The following IGFBP2 variants were observed in gnomAD, a reference collection of about 807,000 sequenced individuals.
IGFBP2 encodes insulin-like growth factor-binding protein 2.
In IGFBP2, 12 loss-of-function variants were observed where a neutral mutation model predicts 26.2. The observed-to-expected ratio is 0.46, with a 90% CI of 0.29 to 0.74. The LOEUF (loss-of-function observed/expected upper bound fraction) is 0.74, where lower values mean the gene tolerates loss of function less well. Among genes scored for constraint, IGFBP2 ranks in the 30% least tolerant of loss-of-function variants. IGFBP2 has a pLI of 0.09. For synonymous variants in IGFBP2, 189 were observed against 200.6 expected (o/e 0.94, Z 0.49); for missense variants, 328 against 441.2 (o/e 0.74, Z 2.30).
At chr2:216,652,385 A>T (rs1458807594) in intron 1 of IGFBP2, among the ~76,000 whole-genome samples, 1 of 152,156 alleles carries the variant, frequency 6.6e-6, no homozygotes, top group Non-Finnish European at 1.5e-5. Context: ...CATGTTGGTC[A>T]GACTGGTCTC....
At chr2:216,640,092 C>T (rs1697582552) in intron 1 of IGFBP2, among the ~76,000 whole-genome samples, 1 of 152,172 alleles carries the variant, frequency 6.6e-6, no homozygotes, top group Non-Finnish European at 1.5e-5. Context: ...CCACACTTCT[C>T]CCTTCCATGC....
At chr2:216,646,682 G>A (rs1446474533) in intron 1 of IGFBP2, among the ~76,000 whole-genome samples, 3 of 152,212 alleles carry the variant, frequency 2.0e-5, no homozygotes, top group Non-Finnish European at 2.9e-5. Flanking sequence ...TCACATGGTG[G>A]CAGACAAGAG....
chr2:216,661,796 G>C (rs751939246), intron 2 of IGFBP2, 62 bp from the exon 3 acceptor site: 1 of 1,599,966 alleles, frequency 6.3e-7, no homozygotes, highest in Non-Finnish European at 8.5e-7. Flanking sequence ...GCTTGCGTCT[G>C]GCGCGTGCTT....
intron 1 of IGFBP2, among the ~76,000 whole-genome samples, chr2:216,658,231 G>T (rs552523420): frequency 1.9e-4 from 29 of 152,154 alleles, no homozygotes; most frequent in Admixed American, 7.2e-4. Context: ...GGTGGCCTTG[G>T]AAACCAGACA....
chr2:216,658,703 C>T (rs2106205077), intron 1 of IGFBP2, among the ~76,000 whole-genome samples: 1 of 152,154 alleles, frequency 6.6e-6, no homozygotes, highest in Non-Finnish European at 1.5e-5. Flanking sequence ...GTGTGTGCCA[C>T]CACACCCGGC....
At chr2:216,637,247 G>T (rs891284943) in intron 1 of IGFBP2, among the ~76,000 whole-genome samples, 5 of 152,178 alleles carry the variant, frequency 3.3e-5, no homozygotes, top group African/African-American at 1.2e-4. Flanking sequence ...CTGCTAAGCA[G>T]CGCTGCCTGA....
intron 1 of IGFBP2, among the ~76,000 whole-genome samples, chr2:216,645,015 A>G (rs1156724815): frequency 1.3e-5 from 2 of 152,186 alleles, no homozygotes; most frequent in African/African-American, 2.4e-5. Flanking sequence ...CCTTTATGCA[A>G]CTCTCTAGGA....
chr2:216,637,805 G>T (rs1474023528), intron 1 of IGFBP2, among the ~76,000 whole-genome samples: 1 of 152,200 alleles, frequency 6.6e-6, no homozygotes, highest in African/African-American at 2.4e-5. Context: ...GGCTTAGATA[G>T]TTCTCACTGT....
At chr2:216,646,870 CACAGCCAAA>C (rs1697719742) in intron 1 of IGFBP2, among the ~76,000 whole-genome samples, 2 of 152,154 alleles carry the variant, frequency 1.3e-5, no homozygotes, top group Admixed American at 1.3e-4. Flanking sequence ...TGGGTGGGGA[CACAGCCAAA>C]CCATATCAGA....
rs9341136 is a variant in IGFBP2 at position 216,643,460 on chromosome 2, C to T, written c.442+9495C>T. Among the ~76,000 whole-genome samples, 10 of 152,194 alleles carry T rather than the reference C, an allele frequency of 6.6e-5. No homozygotes were observed. In the South Asian group the frequency reaches 2.1e-3, roughly 32 times the overall value. On this transcript the variant is annotated intron_variant, in intron 1 of 3. Coordinates refer to ENST00000233809, the MANE Select transcript of IGFBP2 (RefSeq NM_000597.3). The stretch of plus-strand genomic sequence containing the variant: ...CATGGCCCCAGGAAAGCAGAGAAGG[C>T]GGATGCTTGAGTCTCTGAGGGTCAG...
At position 216,660,648 on chromosome 2, in the gene IGFBP2, G is replaced by C; in HGVS notation, c.534G>C (p.Arg178=). The change falls in exon 2 of 4, where the codon CGG becomes CGC. Residue 178 remains arginine (R), a synonymous_variant. Coordinates refer to ENST00000233809, the MANE Select transcript of IGFBP2 (RefSeq NM_000597.3). ...TGGGCGGGGGAGGCAGTGCTGGCCG[G>C]AAGCCCCTCAAGTCGGGTATGAAGG... ...NMLGGGGSAG[R]KPLKSGMKEL... is the part of the protein sequence containing the mutation. 6.2e-7 allele frequency: 1 copy of C among 1,613,502 alleles called. No individual in the cohort carries two copies. Among genetic ancestry groups the C allele is most frequent in the Non-Finnish European group, 8.5e-7 (1 of 1,179,912 alleles).
intron 1 of IGFBP2, among the ~76,000 whole-genome samples, chr2:216,643,088 T>C (rs1697647327): frequency 6.6e-6 from 1 of 152,230 alleles, no homozygotes; most frequent in African/African-American, 2.4e-5. Context: ...GGGCACCCGA[T>C]GCCACCCATT....
At chr2:216,659,666 TG>T in intron 1 of IGFBP2, 1 of 1,458,544 alleles carries the variant, frequency 6.9e-7, no homozygotes, top group South Asian at 1.2e-5. Flanking sequence ...ACCTAGGCTG[TG>T]CATACAAAAG....
intron 1 of IGFBP2, among the ~76,000 whole-genome samples, chr2:216,658,460 TGTC>T (rs1188116437): frequency 6.6e-6 from 1 of 152,182 alleles, no homozygotes; most frequent in Non-Finnish European, 1.5e-5. Context: ...CATTCGTCAT[TGTC>T]ATCATCATCA....
chr2:216,653,688 G>C (rs1321641684), intron 1 of IGFBP2, among the ~76,000 whole-genome samples: 1 of 152,124 alleles, frequency 6.6e-6, no homozygotes, highest in Non-Finnish European at 1.5e-5. Flanking sequence ...AGGTAGAAAG[G>C]TGTGGCAGTC....
At chr2:216,642,143 C>T (rs1336223015) in intron 1 of IGFBP2, among the ~76,000 whole-genome samples, 1 of 147,384 alleles carries the variant, frequency 6.8e-6, no homozygotes, top group African/African-American at 2.5e-5. Context: ...GGACTATAGG[C>T]ACTTGCCACC....
At chr2:216,658,286 C>T (rs1484373435) in intron 1 of IGFBP2, among the ~76,000 whole-genome samples, 1 of 152,116 alleles carries the variant, frequency 6.6e-6, no homozygotes, top group East Asian at 1.9e-4. Context: ...TGAACTGTCT[C>T]GAGGCTCCTC....
chr2:216,634,892 C>CTTTTTTTTTT (rs1191096035), intron 1 of IGFBP2, among the ~76,000 whole-genome samples: 3 of 23,816 alleles, frequency 1.3e-4, no homozygotes, highest in East Asian at 2.0e-3. Context: ...AAGGAGGTTA[C>CTTTTTTTTTT]TTTTTTTTTT....
intron 2 of IGFBP2, 145 bp downstream of exon 2, chr2:216,660,931 T>C (rs1688627667): frequency 3.1e-6 from 2 of 653,058 alleles, no homozygotes; most frequent in Non-Finnish European, 5.4e-6. Context: ...TTGTGGAACA[T>C]AGTTAGTGAC....
Sources: gnomAD v4.1 joint callset for allele counts (sites outside exome capture counted in the v4.1 genomes callset) on GRCh38, gnomAD v4.1.1 for gene constraint, MANE v1.5 for transcripts, NCBI Gene and HGNC (gene_info 2026-07-23, HGNC 2026-07-21) for gene names.